The following GRID1 variants were observed in gnomAD, a reference collection of about 807,000 sequenced individuals.
GRID1 encodes glutamate ionotropic receptor delta type subunit 1.
A neutral mutation model predicts 98.0 loss-of-function variants in GRID1; 28 were observed. The observed-to-expected ratio is 0.29, with a 90% CI of 0.21 to 0.39. GRID1 has a LOEUF of 0.39. Among genes scored for constraint, GRID1 ranks in the 10% least tolerant of loss-of-function variants. GRID1 has a pLI of 1.00. For missense variants in GRID1, 1,111 were observed against 1,340.5 expected (o/e 0.83, Z 2.67); for synonymous variants, 553 against 538.5 (o/e 1.03, Z -0.37).
intron 5 of GRID1, among the ~76,000 whole-genome samples, chr10:85,881,569 A>G (rs1477589797): frequency 6.6e-6 from 1 of 152,232 alleles, no homozygotes; most frequent in Admixed American, 6.5e-5. Context: ...CTGGCTAGCC[A>G]TATGTAGAAA....
intron 14 of GRID1, among the ~76,000 whole-genome samples, chr10:85,615,137 C>T (rs2132516199): frequency 6.6e-6 from 1 of 152,252 alleles, no homozygotes; most frequent in Non-Finnish European, 1.5e-5. Context: ...TTGCTCAATT[C>T]CCACACATGG....
At chr10:85,951,427 G>A (rs1006769406) in intron 4 of GRID1, among the ~76,000 whole-genome samples, 6 of 152,142 alleles carry the variant, frequency 3.9e-5, no homozygotes, top group Admixed American at 3.9e-4. Flanking sequence ...AGCTTTAGCT[G>A]GGCCTGGAGT....
Position 86,309,268 on chromosome 10 carries a change from C to T in GRID1, c.235+54673G>A, listed in dbSNP as rs185760183. Among the ~76,000 whole-genome samples, 199 of 152,238 alleles carry T rather than the reference C, an allele frequency of 1.3e-3. 5 individuals are homozygous for T. The South Asian group carries it at 0.038, about 29-fold the overall frequency. On this transcript the variant is annotated intron_variant, in intron 2 of 15. Transcript: ENST00000327946. ...AATGGGGTCCAGATGAGACAAGAGC[C>T]TACAGACAGCATCCTCGGTCATCCA... is the stretch of plus-strand genomic sequence containing the variant.
At chr10:85,751,287 G>C (rs973505948) in intron 8 of GRID1, among the ~76,000 whole-genome samples, 1 of 152,226 alleles carries the variant, frequency 6.6e-6, no homozygotes, top group African/African-American at 2.4e-5. Flanking sequence ...CAAATGAAAT[G>C]AGCAGATATT....
intron 8 of GRID1, among the ~76,000 whole-genome samples, chr10:85,819,260 A>C (rs1172847871): frequency 6.6e-6 from 1 of 152,172 alleles, no homozygotes; most frequent in Non-Finnish European, 1.5e-5. Context: ...AGTGGGAAAA[A>C]ATTAAAGGAG....
At chr10:85,690,058 C>A (rs918671608) in intron 12 of GRID1, among the ~76,000 whole-genome samples, 21 of 152,064 alleles carry the variant, frequency 1.4e-4, no homozygotes, top group Non-Finnish European at 3.1e-4. Context: ...GGAATAACAC[C>A]CAACTTATCA....
intron 12 of GRID1, among the ~76,000 whole-genome samples, chr10:85,720,621 AAAAC>A (rs1440047298): frequency 1.3e-5 from 2 of 150,056 alleles, no homozygotes; most frequent in Non-Finnish European, 3.0e-5. Context: ...TCCATAGACC[AAAAC>A]AAACAGACAA....
intron 2 of GRID1, among the ~76,000 whole-genome samples, chr10:86,235,130 A>G (rs960601754): frequency 6.6e-6 from 1 of 152,164 alleles, no homozygotes; most frequent in African/African-American, 2.4e-5. Context: ...ACACTCATAC[A>G]TATGCCCTCC....
chr10:86,364,839 G>A (rs549390362), intron 1 of GRID1, among the ~76,000 whole-genome samples: 11 of 152,256 alleles, frequency 7.2e-5, no homozygotes, highest in African/African-American at 2.7e-4. Flanking sequence ...AGCTGCTCTT[G>A]AAGGGCTTTC....
intron 8 of GRID1, among the ~76,000 whole-genome samples, chr10:85,827,547 A>C (rs1187477739): frequency 6.6e-6 from 1 of 152,174 alleles, no homozygotes; most frequent in Non-Finnish European, 1.5e-5. Context: ...TCACTGAAAG[A>C]GAGGAAGAGA....
At chr10:85,804,440 G>A (rs1842604268) in intron 8 of GRID1, among the ~76,000 whole-genome samples, 2 of 151,680 alleles carry the variant, frequency 1.3e-5, no homozygotes, top group Admixed American at 1.3e-4. Context: ...AACCATATGG[G>A]AACAAACAAT....
At chr10:86,140,026 C>T (rs1455742149) in intron 3 of GRID1, among the ~76,000 whole-genome samples, 1 of 152,220 alleles carries the variant, frequency 6.6e-6, no homozygotes, top group East Asian at 1.9e-4. Flanking sequence ...ATGTCATTTT[C>T]AGCCCCTGGG....
chr10:86,165,930 C>T (rs186887407), intron 3 of GRID1, among the ~76,000 whole-genome samples: 4 of 152,258 alleles, frequency 2.6e-5, no homozygotes, highest in South Asian at 2.1e-4. Flanking sequence ...CCACCACAAT[C>T]GGAGGAGGCT....
At chr10:86,236,481 T>A (rs1458328549) in intron 2 of GRID1, among the ~76,000 whole-genome samples, 2 of 152,140 alleles carry the variant, frequency 1.3e-5, no homozygotes, top group Non-Finnish European at 2.9e-5. Flanking sequence ...CCCCACTTCA[T>A]CCCTAGAAGT....
At chr10:86,198,052 T>C (rs1018128742) in intron 3 of GRID1, among the ~76,000 whole-genome samples, 1 of 152,116 alleles carries the variant, frequency 6.6e-6, no homozygotes, top group Non-Finnish European at 1.5e-5. Flanking sequence ...TCTGGCCTGC[T>C]TTGCCAGGGG....
At chr10:85,922,171 C>T (rs1324095911) in intron 4 of GRID1, among the ~76,000 whole-genome samples, 2 of 152,180 alleles carry the variant, frequency 1.3e-5, no homozygotes, top group Admixed American at 6.5e-5. Flanking sequence ...AACCTGGCCC[C>T]GTAACAATGG....
chr10:86,221,091 G>T (rs999011499), intron 2 of GRID1, among the ~76,000 whole-genome samples: 1 of 152,202 alleles, frequency 6.6e-6, no homozygotes, highest in Non-Finnish European at 1.5e-5. Flanking sequence ...ACAGAGCCCA[G>T]CTGGCCCTGG....
At chr10:85,757,038 G>C (rs562327632) in intron 8 of GRID1, among the ~76,000 whole-genome samples, 1 of 152,256 alleles carries the variant, frequency 6.6e-6, no homozygotes, top group South Asian at 2.1e-4. Context: ...CCCCTCCAAG[G>C]ATCTACCTTC....
intron 5 of GRID1, among the ~76,000 whole-genome samples, chr10:85,913,172 A>G (rs1345452104): frequency 6.6e-6 from 1 of 152,134 alleles, no homozygotes; most frequent in Non-Finnish European, 1.5e-5. Context: ...CCAGCCCAAG[A>G]GTATTCCCCA....
Sources: gnomAD v4.1 joint callset for allele counts (sites outside exome capture counted in the v4.1 genomes callset) on GRCh38, gnomAD v4.1.1 for gene constraint, MANE v1.5 for transcripts, NCBI Gene and HGNC (gene_info 2026-07-23, HGNC 2026-07-21) for gene names.